Variants in CPVL observed in about 807,000 individuals in gnomAD.
CPVL encodes the protein probable serine carboxypeptidase CPVL.
Under a neutral mutation model 63.7 loss-of-function variants are expected in CPVL, and 51 were observed. The observed-to-expected ratio is 0.80, with a 90% confidence interval of 0.64 to 1.01. CPVL has a LOEUF of 1.01. Ranked by LOEUF, CPVL falls within the 50% of genes least tolerant of loss-of-function variation. The probability of loss-of-function intolerance (pLI) is 0.00; values close to 1 mark genes in which losing one functional copy is unlikely to be tolerated. For missense variants in CPVL, 530 were observed against 573.1 expected (o/e 0.92, Z 0.77); for synonymous variants, 195 against 206.0 (o/e 0.95, Z 0.46).
intron 6 of CPVL, among the ~76,000 whole-genome samples, chr7:29,090,595 C>A (rs1785669199): frequency 6.6e-6 from 1 of 152,152 alleles, no homozygotes; most frequent in Non-Finnish European, 1.5e-5. Flanking sequence ...CTCACCAGCA[C>A]CAAGAACAGC....
chr7:29,158,737 T>C (rs1322541852), intron 5 of CPVL, among the ~76,000 whole-genome samples: 1 of 152,232 alleles, frequency 6.6e-6, no homozygotes, highest in East Asian at 1.9e-4. Context: ...TTTTGCTTGT[T>C]CTTTTTGGAC....
At chr7:29,059,458 T>C (rs1403769416) in intron 11 of CPVL, among the ~76,000 whole-genome samples, 1 of 152,110 alleles carries the variant, frequency 6.6e-6, no homozygotes, top group Non-Finnish European at 1.5e-5. Flanking sequence ...GATAAAATAT[T>C]AGCAATCCAA....
At chr7:29,011,636 T>C (rs992852070) in intron 12 of CPVL, 2 of 152,144 alleles carry the variant, frequency 1.3e-5, no homozygotes, top group African/African-American at 4.8e-5. Context: ...ACATAGATAA[T>C]ATACAGTGAA....
chr7:29,159,432 C>G (rs1017288268), intron 5 of CPVL, among the ~76,000 whole-genome samples: 1 of 152,202 alleles, frequency 6.6e-6, no homozygotes, highest in Non-Finnish European at 1.5e-5. Flanking sequence ...TATTGGAAAA[C>G]TATCTGCCTT....
At chr7:29,094,685 C>T (rs936801836) in intron 5 of CPVL, among the ~76,000 whole-genome samples, 14 of 151,842 alleles carry the variant, frequency 9.2e-5, no homozygotes, top group Middle Eastern at 3.2e-3. Context: ...CCCCACCCCA[C>T]GCTCCCATCT....
At chr7:29,146,786 GT>G, upstream of CPVL, 1 of 1,549,162 alleles carries the variant, frequency 6.5e-7, no homozygotes, top group Non-Finnish European at 8.7e-7. Flanking sequence ...TTGTCTCCCA[GT>G]TTTTAAAAGC....
At chr7:29,168,794 T>C (rs1288927812) in intron 5 of CPVL, among the ~76,000 whole-genome samples, 1 of 152,270 alleles carries the variant, frequency 6.6e-6, no homozygotes, top group Non-Finnish European at 1.5e-5. Flanking sequence ...TAGTTTAGCA[T>C]GTATTCATGT....
intron 3 of CPVL, among the ~76,000 whole-genome samples, chr7:29,101,764 C>T (rs1005205165): frequency 4.0e-5 from 6 of 151,838 alleles, no homozygotes; most frequent in Admixed American, 2.6e-4. Context: ...TATGTTTACC[C>T]TTCCAGATTT....
intron 1 of CPVL, among the ~76,000 whole-genome samples, chr7:29,131,156 G>C (rs1256430981): frequency 6.6e-6 from 1 of 151,992 alleles, no homozygotes; most frequent in Non-Finnish European, 1.5e-5. Flanking sequence ...GGGCAACAGA[G>C]TGAGACTCCG....
intron 3 of CPVL, among the ~76,000 whole-genome samples, chr7:29,098,288 T>C (rs552410097): frequency 6.6e-6 from 1 of 152,128 alleles, no homozygotes; most frequent in East Asian, 1.9e-4. Context: ...GTTCTAACCA[T>C]GGCCACAGAG....
At chr7:29,081,055 C>A (rs1405147848) in intron 7 of CPVL, among the ~76,000 whole-genome samples, 4 of 152,214 alleles carry the variant, frequency 2.6e-5, no homozygotes, top group African/African-American at 4.8e-5. Context: ...AAGCCACAGG[C>A]TCAGAGAACA....
intron 5 of CPVL, among the ~76,000 whole-genome samples, chr7:29,154,889 A>G (rs1272216145): frequency 6.6e-6 from 1 of 152,236 alleles, no homozygotes; most frequent in East Asian, 1.9e-4. Context: ...GCAATTTACA[A>G]ATGAAAGATG....
Position 29,161,040 on chromosome 7 carries a change from A to G in CPVL, c.-11+20250T>C, listed in dbSNP as rs146848614. 5.2e-3 allele frequency among the ~76,000 whole-genome samples: 793 copies of G among 152,146 alleles called. 7 individuals carry two copies. Among genetic ancestry groups the G allele is most frequent in the Middle Eastern group, 0.017 (5 of 294 alleles). On this transcript the variant is annotated intron_variant, in intron 5 of 16. Coordinates refer to the CPVL transcript ENST00000409850. The stretch of plus-strand genomic sequence containing the variant: ...ATTTCTCACCCTTCTTTTCAACTCT[A>G]TAAACTTATTTTCTGTATAATACCT...
chr7:29,014,524 G>T (rs1786203857), intron 12 of CPVL, among the ~76,000 whole-genome samples: 1 of 151,226 alleles, frequency 6.6e-6, no homozygotes, highest in Non-Finnish European at 1.5e-5. Context: ...TTTTTGTAGG[G>T]ACAGAGTCTT....
chr7:29,123,223 A>T (rs1458673834), intron 1 of CPVL, among the ~76,000 whole-genome samples: 3 of 152,186 alleles, frequency 2.0e-5, no homozygotes, highest in African/African-American at 7.2e-5. Flanking sequence ...TATTGGTTAT[A>T]GCAAATTTTA....
chr7:29,130,557 C>A (rs1321480814), intron 1 of CPVL, among the ~76,000 whole-genome samples: 1 of 152,150 alleles, frequency 6.6e-6, no homozygotes, highest in African/African-American at 2.4e-5. Context: ...TGACACTATT[C>A]TTAGACAAGC....
chr7:29,062,117 T>C (rs1165901278), intron 11 of CPVL, among the ~76,000 whole-genome samples: 1 of 152,160 alleles, frequency 6.6e-6, no homozygotes, highest in Non-Finnish European at 1.5e-5. Context: ...TTTGGTTTAA[T>C]AAATTTGTGG....
intron 9 of CPVL, 66 bp downstream of exon 9, chr7:29,071,707 T>TCTGGGC: frequency 1.2e-6 from 1 of 867,446 alleles, no homozygotes; most frequent in Non-Finnish European, 1.8e-6. Context: ...GTGTTCCTGC[T>TCTGGGC]CACCCGCCCT....
At position 29,064,212 on chromosome 7, in the gene CPVL, T is replaced by C. The variant is rs778672021; in HGVS notation, c.986A>G (p.Tyr329Cys). The change falls in exon 11 of 13, where the codon TAT becomes TGT. Residue 329 changes from tyrosine (Y) to cysteine (C), a missense_variant. Physicochemically the swap from Tyr to Cys is radical, Grantham distance 194. Transcript: ENST00000265394. ...CTCTGGGAGTGACAAAAATTTCACA[T>C]AGTAAAGCTGATCCTCAGGTTCCTG... ...RCTEPEDQLY[Y>C]VKFLSLPEVR... The C allele has an allele frequency of 5.0e-6, 8 of 1,612,810 alleles. No homozygotes were observed. The highest frequency in any genetic ancestry group is 6.8e-6 in the Non-Finnish European group (8 of 1,179,040).
Sources: allele counts gnomAD v4.1 joint callset (sites outside exome capture counted in the v4.1 genomes callset), GRCh38; gene constraint gnomAD v4.1.1; transcripts MANE v1.5; gene names NCBI Gene and HGNC (gene_info 2026-07-23, HGNC 2026-07-21).